PMEL: variants seen among roughly 807,000 people sequenced by gnomAD.
The protein encoded by PMEL is premelanosome protein.
Under a neutral mutation model 64.9 loss-of-function variants are expected in PMEL, and 53 were observed. The observed-to-expected ratio is 0.82, with a 90% confidence interval of 0.66 to 1.03. The LOEUF is 1.03. Among genes scored for constraint, PMEL ranks in the 50% least tolerant of loss-of-function variants. The pLI, the probability that PMEL is intolerant of heterozygous loss-of-function variation, is 0.00. For missense variants in PMEL, 716 were observed against 814.9 expected (o/e 0.88, Z 1.48); for synonymous variants, 299 against 316.2 (o/e 0.95, Z 0.58).
chr12:55,954,404 G>A, intron 10 of PMEL, 55 bp from the exon 11 acceptor site: 2 of 1,596,166 alleles, frequency 1.3e-6, no homozygotes, highest in South Asian at 2.2e-5. Flanking sequence ...TAGCTTGTCT[G>A]TGCTTCTCCA....
In PMEL at chr12:55,957,423, C is replaced by T. The variant is rs200734413; in HGVS notation, c.880G>A (p.Ala294Thr). Residue 294 changes from alanine to threonine, a missense_variant, in exon 6 of 11, where the codon GCT becomes ACT. Transcript: ENST00000548747. Reference protein sequence around the residue: ...GPVTAQVVLQAAIPLTSCGSS... With the variant: ...GPVTAQVVLQTAIPLTSCGSS... ...CCACAGGAGGTGAGAGGAATGGCAG[C>T]CTGCAGGACCACCTGGGCAGTGACT... 3.4e-5 allele frequency: 54 copies of T among 1,608,094 alleles called. 1 individual carries two copies. In the East Asian group the frequency reaches 1.2e-3, roughly 35 times the overall value.
intron 3 of PMEL, among the ~76,000 whole-genome samples, chr12:55,958,833 G>A (rs1244481828): frequency 1.3e-5 from 2 of 151,944 alleles, no homozygotes; most frequent in Non-Finnish European, 1.5e-5. Context: ...CCAGGCTGGA[G>A]TGCAGTGGTG....
intron 6 of PMEL, chr12:55,956,633 C>A: frequency 3.0e-6 from 1 of 336,976 alleles, no homozygotes; most frequent in African/African-American, 2.1e-5. Flanking sequence ...TGCATTTATG[C>A]TTGAACAGAA....
intron 9 of PMEL, 36 bp from the exon 10 acceptor site, chr12:55,955,397 G>A (rs1188858156): frequency 6.2e-7 from 1 of 1,613,274 alleles, no homozygotes; most frequent in Non-Finnish European, 8.5e-7. Flanking sequence ...TTCACTCAGT[G>A]TCTGCTGCTT....
upstream of PMEL, chr12:55,966,060 C>CCCG: frequency 6.2e-7 from 1 of 1,613,844 alleles, no homozygotes; most frequent in Non-Finnish European, 8.5e-7. Context: ...CTGGGATAGG[C>CCCG]CCCTATATAA....
At position 55,964,494 on chromosome 12, in the gene PMEL, C is replaced by T. The variant is rs138024137; in HGVS notation, c.76+1442G>A. Reference sequence around the variant, plus strand: ...CTAATTTTTTTACGTTTCGTAGAGACAAGGTCTCACTATGTTGCTCAGGCT... The same window carrying T: ...CTAATTTTTTTACGTTTCGTAGAGATAAGGTCTCACTATGTTGCTCAGGCT... On this transcript the variant is annotated intron_variant, in intron 1 of 10. Coordinates refer to ENST00000548747, the MANE Select transcript of PMEL (RefSeq NM_001384361.1). Among the ~76,000 whole-genome samples the T allele has an allele frequency of 3.0e-3, 459 of 152,198 alleles. 2 individuals carry two copies. The highest frequency in any genetic ancestry group is 8.5e-3 in the African/African-American group (352 of 41,508).
chr12:55,961,458 G>T lies in PMEL; in HGVS notation c.193C>A (p.Gln65Lys). 1 of 1,614,046 alleles carries T rather than the reference G, an allele frequency of 6.2e-7. No homozygotes were observed. The highest frequency in any genetic ancestry group is 1.1e-5 in the South Asian group (1 of 91,060). ...TCATTACTGACCTTGAGGGACACTT[G>T]ACCACCTGGGAAGGAAAGCTACATT... is the stretch of plus-strand genomic sequence containing the variant. ...AQRLDCWRGG[Q>K]VSLKVSNDGP... The change falls in exon 3 of 11, where the codon CAA (glutamine) becomes AAA (lysine). Residue 65 changes from glutamine (Q) to lysine (K), a missense_variant. Coordinates refer to ENST00000548747, the MANE Select transcript of PMEL (RefSeq NM_001384361.1).
Position 55,954,314 on chromosome 12 carries a change from T to C in PMEL, c.1886A>G (p.Gln629Arg). ...CCAGTGACTGCTGCTATGTGGCAAC[T>C]GGGGTACGGAGAAGTCTTGCTTCAT... ...RLMKQDFSVPQLPHSSSHWLR... is the reference protein window; with the variant it reads ...RLMKQDFSVPRLPHSSSHWLR... Residue 629 changes from glutamine to arginine, a missense_variant, in exon 11 of 11, where the codon CAG becomes CGG. By Grantham distance (43) the Gln-to-Arg change is conservative. Coordinates refer to ENST00000548747, the MANE Select transcript of PMEL (RefSeq NM_001384361.1). 1 of 1,614,168 alleles carries C rather than the reference T, an allele frequency of 6.2e-7. No homozygotes were observed.
chr12:55,965,883 G>C, intron 1 of PMEL, 53 bp downstream of exon 1: 4 of 1,607,788 alleles, frequency 2.5e-6, no homozygotes, highest in Non-Finnish European at 1.7e-6. Context: ...ACCAGAGCAG[G>C]GGGAATTCAT....
intron 1 of PMEL, among the ~76,000 whole-genome samples, chr12:55,965,117 G>A (rs1057211155): frequency 1.3e-4 from 18 of 137,396 alleles, no homozygotes; most frequent in Admixed American, 8.9e-4. Context: ...TAGTAGAGAC[G>A]GGGGTTTCAC....
chr12:55,964,320 C>T (rs1316699736), intron 1 of PMEL, among the ~76,000 whole-genome samples: 2 of 152,018 alleles, frequency 1.3e-5, no homozygotes, highest in Admixed American at 6.6e-5. Context: ...ACCACCACGC[C>T]CAGCTAATTT....
chr12:55,956,250 A>C, intron 6 of PMEL, 31 bp from the exon 7 acceptor site: 12 of 1,426,024 alleles, frequency 8.4e-6, no homozygotes, highest in African/African-American at 2.8e-5. Flanking sequence ...AGGCAAGATC[A>C]AGAGACAGAT....
chr12:55,955,088 G>A (rs1888805329), intron 10 of PMEL, among the ~76,000 whole-genome samples, 186 bp downstream of exon 10: 1 of 152,140 alleles, frequency 6.6e-6, no homozygotes, highest in South Asian at 2.1e-4. Context: ...GCTTAGACAG[G>A]TTAAGCTACT....
chr12:55,961,242 C>T (rs1482719831), intron 3 of PMEL, 75 bp downstream of exon 3: 6 of 1,310,214 alleles, frequency 4.6e-6, no homozygotes, highest in African/African-American at 4.4e-5. Flanking sequence ...AAGGAAGGGG[C>T]ATTCCCTGAG....
chr12:55,964,175 A>G (rs967101516), intron 1 of PMEL, among the ~76,000 whole-genome samples: 1 of 141,418 alleles, frequency 7.1e-6, no homozygotes, highest in Non-Finnish European at 1.5e-5. Flanking sequence ...TTTTTGAGAC[A>G]GAGTTTCGCT....
chr12:55,954,947 C>G (rs534226258), intron 10 of PMEL, among the ~76,000 whole-genome samples: 1 of 152,044 alleles, frequency 6.6e-6, no homozygotes, highest in Non-Finnish European at 1.5e-5. Context: ...TGCCCCCACT[C>G]TTCATATTAT....
chr12:55,961,229 G>C, intron 3 of PMEL, 88 bp downstream of exon 3: 1 of 1,194,880 alleles, frequency 8.4e-7, no homozygotes, highest in Non-Finnish European at 1.2e-6. Context: ...AAAAAAAGTA[G>C]AGAAGGAAGG....
In PMEL at chr12:55,958,502, C is replaced by T. The variant is rs768248501; in HGVS notation, c.440G>A (p.Arg147Lys). The change falls in exon 4 of 11, where the codon AGA (arginine) becomes AAA (lysine). Residue 147 changes from arginine to lysine, a missense_variant. Coordinates refer to ENST00000548747, the MANE Select transcript of PMEL (RefSeq NM_001384361.1). ...PCPSGSWSQK[R>K]SFVYVWKTWG... ...GGTCTTCCAGACATAAACAAAGCTT[C>T]TCTTCTGAGACCAAGAGCCAGATGG... is the stretch of plus-strand genomic sequence containing the variant. 3.1e-6 allele frequency: 5 copies of T among 1,614,054 alleles called. No homozygotes were observed. In the African/African-American group the frequency reaches 4.0e-5, roughly 13 times the overall value.
chr12:55,956,472 C>A (rs1240489008), intron 6 of PMEL: 23 of 446,592 alleles, frequency 5.2e-5, no homozygotes, highest in Non-Finnish European at 8.1e-5. Flanking sequence ...GTTTATCACA[C>A]CCCACACTAT....
Sources: allele counts gnomAD v4.1 joint callset (sites outside exome capture counted in the v4.1 genomes callset), GRCh38; gene constraint gnomAD v4.1.1; transcripts MANE v1.5; gene names NCBI Gene and HGNC (gene_info 2026-07-23, HGNC 2026-07-21).